ROBO2: variants seen among roughly 807,000 people sequenced by gnomAD.
ROBO2 encodes roundabout guidance receptor 2.
Under a neutral mutation model 160.8 loss-of-function variants are expected in ROBO2, and 53 were observed. The observed-to-expected ratio is 0.33, with a 90% confidence interval of 0.26 to 0.41. The LOEUF is 0.41. Ranked by LOEUF, ROBO2 falls within the 10% of genes least tolerant of loss-of-function variation. The pLI, the probability that ROBO2 is intolerant of heterozygous loss-of-function variation, is 1.00. For missense variants in ROBO2, 1,577 were observed against 1,722.4 expected, an observed-to-expected ratio of 0.92 and a Z score of 1.49; for synonymous variants, 664 against 611.7, an observed-to-expected ratio of 1.09 and a Z score of -1.26.
chr3:76,899,203 A>C (rs1384712022), intron 2 of ROBO2, among the ~76,000 whole-genome samples: 1 of 152,162 alleles, frequency 6.6e-6, no homozygotes, highest in African/African-American at 2.4e-5. Context: ...AGAGCTCTTC[A>C]TCAGGGATTT....
chr3:76,370,190 A>T (rs2076036056), intron 2 of ROBO2, among the ~76,000 whole-genome samples: 1 of 151,870 alleles, frequency 6.6e-6, no homozygotes, highest in African/African-American at 2.4e-5. Flanking sequence ...GTTCCAGACC[A>T]GTGGAAACTT....
intron 2 of ROBO2, among the ~76,000 whole-genome samples, chr3:77,472,754 C>T (rs1347357381): frequency 6.6e-6 from 1 of 152,036 alleles, no homozygotes; most frequent in African/African-American, 2.4e-5. Flanking sequence ...ATTTGACAAG[C>T]AATCGTATAT....
chr3:76,331,709 G>A (rs919171811), intron 2 of ROBO2, among the ~76,000 whole-genome samples: 2 of 138,872 alleles, frequency 1.4e-5, no homozygotes, highest in African/African-American at 2.6e-5. Context: ...TTTTTTTCGA[G>A]ACGTAATCTC....
chr3:77,595,168 C>T (rs2094272260), exon 18 of ROBO2: 1 of 1,611,532 alleles, frequency 6.2e-7, no homozygotes, highest in African/African-American at 1.3e-5. Flanking sequence ...AGATGGAGGA[C>T]TAATGAGCAA....
chr3:76,172,354 G>A lies in ROBO2; in HGVS notation c.109+234752G>A, dbSNP rs117809946. 3.1e-4 allele frequency among the ~76,000 whole-genome samples: 47 copies of A among 149,782 alleles called. No individual in the cohort carries two copies. In the East Asian group the frequency reaches 7.5e-3, roughly 24 times the overall value. ...TAAATGATGAGTTAATGGGTGCAGCGCATCAACATGGCACACATGTATACA... is the reference window on the plus strand; with the variant it reads ...TAAATGATGAGTTAATGGGTGCAGCACATCAACATGGCACACATGTATACA... On this transcript the variant is annotated intron_variant, in intron 2 of 26. Coordinates refer to the ROBO2 transcript ENST00000487694.
At chr3:76,311,496 G>A (rs2071583305) in intron 2 of ROBO2, 1 of 152,202 alleles carries the variant, frequency 6.6e-6, no homozygotes, top group Admixed American at 6.5e-5. Flanking sequence ...GACAGCTGAG[G>A]GTGAAGGAGC....
At chr3:77,310,624 A>G (rs1580947289) in intron 2 of ROBO2, among the ~76,000 whole-genome samples, 1 of 152,280 alleles carries the variant, frequency 6.6e-6, no homozygotes, top group Non-Finnish European at 1.5e-5. Context: ...TTTCTTCCCA[A>G]TTGAGATGTC....
chr3:76,702,961 A>C (rs1196322452), intron 2 of ROBO2, among the ~76,000 whole-genome samples: 1 of 152,142 alleles, frequency 6.6e-6, no homozygotes, highest in African/African-American at 2.4e-5. Context: ...TCTTTTAGGC[A>C]GTTAACAGAA....
At chr3:76,902,701 C>A (rs188432072) in intron 2 of ROBO2, among the ~76,000 whole-genome samples, 125 of 151,190 alleles carry the variant, frequency 8.3e-4, no homozygotes, top group Admixed American at 6.6e-3. Flanking sequence ...AGTAAAGCTG[C>A]TGATTGTCTT....
At chr3:77,295,318 G>A (rs148653225) in intron 2 of ROBO2, among the ~76,000 whole-genome samples, 2 of 148,872 alleles carry the variant, frequency 1.3e-5, no homozygotes, top group East Asian at 2.0e-4. Flanking sequence ...ACGGCTAAAC[G>A]GGTAAGCTGA....
chr3:77,161,802 C>T (rs550240982), intron 2 of ROBO2, among the ~76,000 whole-genome samples: 1 of 152,060 alleles, frequency 6.6e-6, no homozygotes, highest in African/African-American at 2.4e-5. Flanking sequence ...CTCTCTCCTT[C>T]ATCTTTCTCC....
At chr3:76,338,260 T>C (rs2074011369) in intron 2 of ROBO2, among the ~76,000 whole-genome samples, 3 of 152,224 alleles carry the variant, frequency 2.0e-5, no homozygotes, top group Non-Finnish European at 4.4e-5. Context: ...TCTACCAAGC[T>C]GACCTGAATA....
At chr3:77,104,675 A>T (rs1037831397) in intron 2 of ROBO2, among the ~76,000 whole-genome samples, 1 of 151,966 alleles carries the variant, frequency 6.6e-6, no homozygotes, top group Non-Finnish European at 1.5e-5. Context: ...GTGTAGATTA[A>T]ATGATATTTA....
intron 2 of ROBO2, among the ~76,000 whole-genome samples, chr3:76,994,978 C>T (rs2060904323): frequency 1.3e-5 from 2 of 151,196 alleles, no homozygotes; most frequent in African/African-American, 4.9e-5. Flanking sequence ...ACTTTAAGTT[C>T]TAGGGTACAT....
intron 2 of ROBO2, among the ~76,000 whole-genome samples, chr3:77,219,489 G>GTATATA (rs10654899): frequency 0.02 from 2,213 of 111,374 alleles, 35 homozygotes; most frequent in Middle Eastern, 0.033. Context: ...TATATAATCT[G>GTATATA]TATATATATA....
intron 2 of ROBO2, among the ~76,000 whole-genome samples, chr3:76,067,063 A>G (rs2068277738): frequency 6.6e-6 from 1 of 152,134 alleles, no homozygotes; most frequent in Non-Finnish European, 1.5e-5. Flanking sequence ...CTGAGGTTGT[A>G]TGGCTGACCT....
chr3:76,638,768 G>A (rs552940525), intron 2 of ROBO2, among the ~76,000 whole-genome samples: 2 of 152,048 alleles, frequency 1.3e-5, no homozygotes, highest in Non-Finnish European at 2.9e-5. Context: ...TATTTGGCTG[G>A]TTTTTACTCT....
intron 1 of ROBO2, among the ~76,000 whole-genome samples, chr3:77,096,209 A>G (rs1209219479): frequency 6.6e-6 from 1 of 152,130 alleles, no homozygotes; most frequent in Non-Finnish European, 1.5e-5. Flanking sequence ...GATTGGTTGG[A>G]AAATCTTATA....
chr3:76,313,092 CAT>C (rs2071713239), intron 2 of ROBO2, among the ~76,000 whole-genome samples: 1 of 152,206 alleles, frequency 6.6e-6, no homozygotes, highest in Non-Finnish European at 1.5e-5. Context: ...AATAGGCAAT[CAT>C]AGCAACATAT....
Sources: allele counts gnomAD v4.1 joint callset (sites outside exome capture counted in the v4.1 genomes callset), GRCh38; gene constraint gnomAD v4.1.1; transcripts MANE v1.5; gene names NCBI Gene and HGNC (gene_info 2026-07-23, HGNC 2026-07-21).